The following TPCN2 variants were observed in gnomAD, a reference collection of about 807,000 sequenced individuals.
TPCN2 encodes the protein two pore channel protein 2.
A neutral mutation model predicts 111.4 loss-of-function variants in TPCN2; 92 were observed. The ratio of observed to expected loss-of-function variants is 0.83; its 90% CI spans 0.70 to 0.98. The LOEUF is 0.98. Ranked by LOEUF, TPCN2 falls within the 50% of genes least tolerant of loss-of-function variation. TPCN2 has a pLI of 0.00. For missense variants in TPCN2, 995 were observed against 980.1 expected (o/e 1.02, Z -0.20); for synonymous variants, 405 against 414.5 (o/e 0.98, Z 0.28).
intron 1 of TPCN2, among the ~76,000 whole-genome samples, chr11:69,049,835 A>C (rs1861141790): frequency 6.6e-6 from 1 of 152,150 alleles, no homozygotes; most frequent in South Asian, 2.1e-4. Context: ...CGCTGACACC[A>C]GGGGAATGAG....
rs1418865674 is a variant in TPCN2, at chr11:69,088,279, G to A, written c.*326G>A. ...GCCTCCCCTGTCCCCTGCAGCTTCC[G>A]TGGTGCCTTTGCTGCCGGCAGCCCT... On this transcript the variant is annotated 3_prime_UTR_variant, in exon 25 of 25. Coordinates refer to ENST00000294309, the MANE Select transcript of TPCN2 (RefSeq NM_139075.4). 8 of 290,486 alleles carry A rather than the reference G, an allele frequency of 2.8e-5. No homozygotes were observed. The highest frequency in any genetic ancestry group is 9.5e-5 in the Admixed American group (2 of 20,992). The allele number at this position is 290,486 out of a possible 1,614,324, so 18.0% of individuals were successfully genotyped here.
chr11:69,071,503 A>T (rs1855534142), intron 10 of TPCN2, 83 bp downstream of exon 10: 1 of 1,278,114 alleles, frequency 7.8e-7, no homozygotes, highest in Admixed American at 1.9e-5. Flanking sequence ...CAGCTGGGTG[A>T]CCCTTGCTGG....
rs1294822519 is a variant in TPCN2, at chr11:69,088,195, G to C, written c.*242G>C. On this transcript the variant is annotated 3_prime_UTR_variant, in exon 25 of 25. Coordinates refer to ENST00000294309, the MANE Select transcript of TPCN2 (RefSeq NM_139075.4). ...TCCGCTTTCTTTTATAGCTGCTTCA[G>C]TGAGAATTCCCTCGTCGACTCCACA... 7.5e-6 allele frequency: 4 copies of C among 529,958 alleles called. No homozygotes were observed. In the African/African-American group the frequency reaches 7.6e-5, roughly 10 times the overall value. The allele number at this position is 529,958 out of a possible 1,614,324, so 32.8% of individuals were successfully genotyped here. A position where few individuals can be genotyped will look rare whatever the true frequency, so the allele number is the denominator to read the frequency against.
At chr11:69,078,814 C>T in intron 15 of TPCN2, 21 bp downstream of exon 15, 1 of 1,614,106 alleles carries the variant, frequency 6.2e-7, no homozygotes, top group Non-Finnish European at 8.5e-7. Flanking sequence ...AGCTGTCCAC[C>T]TGTCAGGGCC....
Position 69,070,514 on chromosome 11 carries a change from G to A in TPCN2, c.895+19G>A, listed in dbSNP as rs11228479. ...GTGATAGGTGAGTGCAGGTAACGTG[G>A]CCAGCATTTTGTGACAGGATCCCGA... On this transcript the variant is annotated intron_variant, in intron 9 of 24. Transcript: ENST00000294309. 1.7e-3 allele frequency: 2,681 copies of A among 1,582,718 alleles called. 37 individuals are homozygous for A. The African/African-American group carries it at 0.031, about 18-fold the overall frequency.
At chr11:69,086,968 G>A (rs562259221) in intron 23 of TPCN2, 144 bp from the exon 24 acceptor site, 331 of 669,978 alleles carry the variant, frequency 4.9e-4, no homozygotes, top group Admixed American at 3.6e-3. Flanking sequence ...CAGCAGCCTC[G>A]TGGGGCCTGT....
In TPCN2 at chr11:69,085,839, C is replaced by A. The variant is rs751610810; in HGVS notation, c.1921-9C>A. The A allele has an allele frequency of 6.2e-7, 1 of 1,614,070 alleles. No individual in the cohort carries two copies. The highest frequency in any genetic ancestry group is 8.5e-7 in the Non-Finnish European group (1 of 1,179,926). On this transcript the variant is annotated splice_polypyrimidine_tract_variant and intron_variant, in intron 21 of 24. Transcript: ENST00000294309. ...GGCCCTCCTGGACCGCTGGTCTCTG[C>A]CCCCGCAGGCTGCCCTGGTCACTCT...
At chr11:69,087,344 T>C (rs944304338) in intron 24 of TPCN2, 138 bp downstream of exon 24, 3 of 729,958 alleles carry the variant, frequency 4.1e-6, no homozygotes, top group East Asian at 2.7e-5. Flanking sequence ...TTTGGTCCTG[T>C]GCTCTAGGAG....
rs1230105290 is a variant in TPCN2, at chr11:69,048,964, T to A, written c.-34T>A. The A allele has an allele frequency of 1.1e-5, 13 of 1,219,470 alleles. No homozygotes were observed. Among genetic ancestry groups the A allele is most frequent in the Non-Finnish European group, 1.3e-5 (13 of 973,200 alleles). 75.5% of individuals were successfully genotyped at this position (1,219,470 alleles called of 1,614,324 possible). A position where few individuals can be genotyped will look rare whatever the true frequency, so the allele number is the denominator to read the frequency against. On this transcript the variant is annotated 5_prime_UTR_variant, in exon 1 of 25. Coordinates refer to ENST00000294309, the MANE Select transcript of TPCN2 (RefSeq NM_139075.4). ...AGCTGGGCGCCTTCGGGGCTTGAGCTTCTGAGGGTCGGGTCCAGCGCGTGG... is the reference window on the plus strand; with the variant it reads ...AGCTGGGCGCCTTCGGGGCTTGAGCATCTGAGGGTCGGGTCCAGCGCGTGG...
At chr11:69,087,599 C>T (rs1281428213) in intron 24 of TPCN2, among the ~76,000 whole-genome samples, 1 of 152,178 alleles carries the variant, frequency 6.6e-6, no homozygotes, top group African/African-American at 2.4e-5. Context: ...GCTGTGGGGC[C>T]TCTGTGCCTT....
intron 22 of TPCN2, among the ~76,000 whole-genome samples, chr11:69,086,200 A>G (rs367757478): frequency 8.6e-5 from 13 of 152,030 alleles, no homozygotes; most frequent in Non-Finnish European, 1.8e-4. Flanking sequence ...GAGGAATTCC[A>G]TGGGGGTGGG....
At chr11:69,082,438 C>T (rs1040714906) in intron 18 of TPCN2, among the ~76,000 whole-genome samples, 3 of 152,294 alleles carry the variant, frequency 2.0e-5, no homozygotes, top group Admixed American at 6.5e-5. Context: ...TACGCACGCC[C>T]GCATCACCGT....
intron 7 of TPCN2, 92 bp from the exon 8 acceptor site, chr11:69,067,411 G>A (rs1289111506): frequency 1.7e-6 from 2 of 1,192,114 alleles, no homozygotes; most frequent in African/African-American, 1.5e-5. Flanking sequence ...GGCGGCGGGT[G>A]GATGGTTCCA....
intron 24 of TPCN2, among the ~76,000 whole-genome samples, 197 bp downstream of exon 24, chr11:69,087,403 G>A (rs755897680): frequency 1.4e-4 from 22 of 152,302 alleles, no homozygotes; most frequent in Admixed American, 5.2e-4. Context: ...TGCCACTGGC[G>A]TCATAGCCTT....
chr11:69,071,269 C>T lies in TPCN2; in HGVS notation c.896-87C>T, dbSNP rs555493367. The T allele has an allele frequency of 9.4e-4, 970 of 1,030,392 alleles. 5 individuals carry two copies. The African/African-American group carries it at 0.012, about 13-fold the overall frequency. 63.8% of individuals were successfully genotyped at this position (1,030,392 alleles called of 1,614,324 possible). ...TCCATTTGATAGGGGACGCCCCCGGCGCTGTGCTATCCTGTGCCGGCCACC... is the reference window on the plus strand; with the variant it reads ...TCCATTTGATAGGGGACGCCCCCGGTGCTGTGCTATCCTGTGCCGGCCACC... On this transcript the variant is annotated intron_variant, in intron 9 of 24. Transcript: ENST00000294309.
chr11:69,082,204 C>T (rs1415021517), intron 18 of TPCN2, among the ~76,000 whole-genome samples: 1 of 152,238 alleles, frequency 6.6e-6, no homozygotes, highest in Non-Finnish European at 1.5e-5. Context: ...TTCATACGCA[C>T]ACACACGCGC....
chr11:69,079,218 G>A (rs1417882424), intron 16 of TPCN2, 198 bp downstream of exon 16: 3 of 657,698 alleles, frequency 4.6e-6, no homozygotes, highest in Non-Finnish European at 7.5e-6. Flanking sequence ...TAGGAGGCTG[G>A]GTTTCTACTG....
chr11:69,078,421 T>G (rs1855879334), intron 13 of TPCN2, 61 bp from the exon 14 acceptor site: 1 of 1,601,568 alleles, frequency 6.2e-7, no homozygotes, highest in African/African-American at 1.3e-5. Context: ...GTGAGCATTT[T>G]TGGGCTGCAA....
At chr11:69,087,765 G>C (rs1551305) in intron 24 of TPCN2, 110 bp from the exon 25 acceptor site, 5 of 782,258 alleles carry the variant, frequency 6.4e-6, no homozygotes, top group Non-Finnish European at 1.0e-5. Context: ...CTGTGTCCCT[G>C]TGACACTCAC....
Sources: gnomAD v4.1 joint callset for allele counts (sites outside exome capture counted in the v4.1 genomes callset) on GRCh38, gnomAD v4.1.1 for gene constraint, MANE v1.5 for transcripts, NCBI Gene and HGNC (gene_info 2026-07-23, HGNC 2026-07-21) for gene names.